Variants in STK32B observed in about 807,000 individuals in gnomAD.
STK32B encodes the protein serine/threonine-protein kinase 32B.
A neutral mutation model predicts 52.6 loss-of-function variants in STK32B; 43 were observed. The ratio of observed to expected loss-of-function variants is 0.82; its 90% CI spans 0.64 to 1.05. The LOEUF is 1.05. STK32B is among the 50% of genes least tolerant of loss of function. The probability of loss-of-function intolerance (pLI) is 0.00; values close to 1 mark genes in which losing one functional copy is unlikely to be tolerated. For missense variants in STK32B, 621 were observed against 534.6 expected (o/e 1.16, Z -1.59); for synonymous variants, 238 against 204.3 (o/e 1.17, Z -1.41).
chr4:5,091,231 G>T (rs1171102586), intron 1 of STK32B, among the ~76,000 whole-genome samples: 3 of 151,938 alleles, frequency 2.0e-5, no homozygotes, highest in Non-Finnish European at 2.9e-5. Context: ...ATATAAATTA[G>T]ATTTCATCAA....
intron 3 of STK32B, among the ~76,000 whole-genome samples, chr4:5,205,560 C>T (rs1722500461): frequency 6.6e-6 from 1 of 152,128 alleles, no homozygotes; most frequent in Non-Finnish European, 1.5e-5. Flanking sequence ...CTCTCAGTCT[C>T]CCCAGGCTCT....
intron 2 of STK32B, among the ~76,000 whole-genome samples, chr4:5,159,566 AATATAT>A (rs1274132084): frequency 0.25 from 17,006 of 69,166 alleles, 3,806 homozygotes; most frequent in East Asian, 0.4. Context: ...TATATGAATG[AATATAT>A]ATGAATATAT....
chr4:5,222,949 G>A (rs956727670), intron 3 of STK32B, among the ~76,000 whole-genome samples: 1 of 152,198 alleles, frequency 6.6e-6, no homozygotes, highest in Non-Finnish European at 1.5e-5. Context: ...CTTTGGGATA[G>A]CCGTACCCAT....
At chr4:5,067,923 A>G (rs1175154869) in intron 1 of STK32B, among the ~76,000 whole-genome samples, 1 of 151,980 alleles carries the variant, frequency 6.6e-6, no homozygotes, top group Non-Finnish European at 1.5e-5. Flanking sequence ...TCTCATGAGA[A>G]CTCTATCATA....
chr4:5,493,969 T>C (rs1719973315), intron 11 of STK32B, among the ~76,000 whole-genome samples: 1 of 152,298 alleles, frequency 6.6e-6, no homozygotes, highest in Non-Finnish European at 1.5e-5. Flanking sequence ...TCTGATCTTC[T>C]ACATTTGCTG....
chr4:5,184,813 C>T (rs999031315), intron 3 of STK32B, among the ~76,000 whole-genome samples: 1 of 152,084 alleles, frequency 6.6e-6, no homozygotes, highest in Non-Finnish European at 1.5e-5. Context: ...AAAGTGAGCA[C>T]ATGCTGTTGG....
At chr4:5,133,631 C>A (rs1350302569) in intron 1 of STK32B, among the ~76,000 whole-genome samples, 3 of 152,116 alleles carry the variant, frequency 2.0e-5, no homozygotes, top group African/African-American at 7.2e-5. Flanking sequence ...CAGAAATAAT[C>A]GCCATCATTA....
intron 2 of STK32B, among the ~76,000 whole-genome samples, chr4:5,153,863 A>C (rs1258290553): frequency 6.6e-6 from 1 of 152,334 alleles, no homozygotes; most frequent in Admixed American, 6.5e-5. Flanking sequence ...AATATAAAAA[A>C]CTATGTTTAT....
chr4:5,305,650 G>A (rs1729879681), intron 3 of STK32B, among the ~76,000 whole-genome samples: 1 of 152,104 alleles, frequency 6.6e-6, no homozygotes, highest in Admixed American at 6.6e-5. Flanking sequence ...CAAAGAACCA[G>A]CTTTTAGTTT....
chr4:5,218,093 C>T (rs551509370), intron 3 of STK32B, among the ~76,000 whole-genome samples: 12 of 152,252 alleles, frequency 7.9e-5, no homozygotes, highest in Non-Finnish European at 1.0e-4. Context: ...AAATTGCTTA[C>T]ATCTATACAC....
intron 3 of STK32B, among the ~76,000 whole-genome samples, chr4:5,282,492 A>G (rs1385104117): frequency 1.3e-5 from 2 of 152,226 alleles, no homozygotes; most frequent in African/African-American, 4.8e-5. Flanking sequence ...CTACTGTAAT[A>G]GAAGTTACAT....
intron 4 of STK32B, among the ~76,000 whole-genome samples, chr4:5,373,304 C>T (rs1735375330): frequency 6.6e-6 from 1 of 152,194 alleles, no homozygotes; most frequent in Non-Finnish European, 1.5e-5. Flanking sequence ...CCAAGATCTG[C>T]AGTGGGAGCC....
intron 3 of STK32B, among the ~76,000 whole-genome samples, chr4:5,246,093 G>A (rs1244374409): frequency 2.6e-5 from 4 of 152,118 alleles, no homozygotes; most frequent in Admixed American, 1.3e-4. Context: ...GGCATTCTCT[G>A]TATTTCCTGA....
At chr4:5,444,257 C>T (rs531417084) in intron 6 of STK32B, among the ~76,000 whole-genome samples, 7 of 152,214 alleles carry the variant, frequency 4.6e-5, no homozygotes, top group South Asian at 2.1e-4. Flanking sequence ...AGCGAGACTC[C>T]GTGGGTGTAG....
intron 3 of STK32B, among the ~76,000 whole-genome samples, chr4:5,262,475 A>G (rs1726775735): frequency 6.6e-6 from 1 of 151,334 alleles, no homozygotes; most frequent in Non-Finnish European, 1.5e-5. Context: ...AAAAAAAAAA[A>G]TTAGCCGGCC....
intron 4 of STK32B, among the ~76,000 whole-genome samples, chr4:5,334,565 G>A (rs1412560913): frequency 2.0e-4 from 30 of 152,202 alleles, no homozygotes; most frequent in African/African-American, 7.0e-4. Flanking sequence ...AGTTTTCAAA[G>A]GGAATGCTTC....
rs113863281 is a variant in STK32B, at chr4:5,485,209, G to A, written c.1107-13736G>A. On this transcript the variant is annotated intron_variant, in intron 11 of 11. Transcript: ENST00000282908. ...TTTCCAACTTGGTTCCATTCTCCCC[G>A]TCACTTTCAGGTACACCAATCAGAT... Among the ~76,000 whole-genome samples, 519 of 152,020 alleles carry A rather than the reference G, an allele frequency of 3.4e-3. 7 individuals carry two copies. Among genetic ancestry groups the A allele is most frequent in the African/African-American group, 0.012 (483 of 41,456 alleles).
intron 4 of STK32B, among the ~76,000 whole-genome samples, chr4:5,350,488 A>G (rs1307636351): frequency 6.6e-6 from 1 of 152,170 alleles, no homozygotes; most frequent in African/African-American, 2.4e-5. Flanking sequence ...ACCACTGGTA[A>G]AACAACACAC....
intron 11 of STK32B, among the ~76,000 whole-genome samples, chr4:5,472,508 C>T (rs1045631096): frequency 6.6e-6 from 1 of 152,194 alleles, no homozygotes; most frequent in African/African-American, 2.4e-5. Flanking sequence ...CTGAGACTTC[C>T]ATTGGGTTGA....
Sources: gnomAD v4.1 joint callset for allele counts (sites outside exome capture counted in the v4.1 genomes callset) on GRCh38, gnomAD v4.1.1 for gene constraint, MANE v1.5 for transcripts, NCBI Gene and HGNC (gene_info 2026-07-23, HGNC 2026-07-21) for gene names.